NEK7: variants seen among roughly 807,000 people sequenced by gnomAD.
NEK7 encodes NIMA related kinase 7.
Under a neutral mutation model 44.6 loss-of-function variants are expected in NEK7, and 18 were observed. The ratio of observed to expected loss-of-function variants is 0.40; its 90% CI spans 0.28 to 0.60. NEK7 has a LOEUF of 0.60. Among genes scored for constraint, NEK7 ranks in the 20% least tolerant of loss-of-function variants. NEK7 has a pLI of 0.38. For missense variants in NEK7, 256 were observed against 366.5 expected, an observed-to-expected ratio of 0.70 and a Z score of 2.46; for synonymous variants, 130 against 121.1, an observed-to-expected ratio of 1.07 and a Z score of -0.48.
intron 2 of NEK7, among the ~76,000 whole-genome samples, chr1:198,241,324 C>A (rs942297115): frequency 6.6e-6 from 1 of 152,146 alleles, no homozygotes; most frequent in Admixed American, 6.5e-5. Context: ...TGATGTTTTT[C>A]TTGTCACATT....
At chr1:198,279,606 A>T (rs2102983644) in intron 7 of NEK7, among the ~76,000 whole-genome samples, 1 of 152,058 alleles carries the variant, frequency 6.6e-6, no homozygotes, top group Non-Finnish European at 1.5e-5. Context: ...TCAAATGGTG[A>T]CAATCAGAAT....
chr1:198,286,711 T>C (rs1654382097), intron 7 of NEK7, among the ~76,000 whole-genome samples: 1 of 152,216 alleles, frequency 6.6e-6, no homozygotes, highest in African/African-American at 2.4e-5. Context: ...TTGCAGGACT[T>C]CTGGAGGTTC....
chr1:198,250,655 G>T (rs1386118821), intron 2 of NEK7, among the ~76,000 whole-genome samples: 1 of 142,058 alleles, frequency 7.0e-6, no homozygotes, highest in African/African-American at 2.6e-5. Flanking sequence ...GTGAATGGGA[G>T]TTCACTCATG....
intron 3 of NEK7, among the ~76,000 whole-genome samples, chr1:198,258,466 G>A (rs1485269201): frequency 6.6e-6 from 1 of 151,884 alleles, no homozygotes; most frequent in Non-Finnish European, 1.5e-5. Context: ...ACAAAAACTT[G>A]CTTAGTATAT....
chr1:198,206,488 A>G (rs558143963), intron 1 of NEK7, among the ~76,000 whole-genome samples: 123 of 152,284 alleles, frequency 8.1e-4, no homozygotes, highest in Non-Finnish European at 1.5e-3. Context: ...AAAAAATATT[A>G]ATCCTGATTA....
chr1:198,239,214 T>G (rs889423982), intron 2 of NEK7, among the ~76,000 whole-genome samples: 5 of 152,224 alleles, frequency 3.3e-5, no homozygotes, highest in Non-Finnish European at 7.3e-5. Context: ...TCGCCTTATT[T>G]CTTCTGAATT....
At chr1:198,310,206 A>C (rs1207678833) in intron 9 of NEK7, among the ~76,000 whole-genome samples, 1 of 151,910 alleles carries the variant, frequency 6.6e-6, no homozygotes, top group Non-Finnish European at 1.5e-5. Flanking sequence ...GATGGTGAGC[A>C]TTTTTTCATG....
chr1:198,264,091 A>G, intron 4 of NEK7, 34 bp from the exon 5 acceptor site: 3 of 1,564,574 alleles, frequency 1.9e-6, no homozygotes, highest in Non-Finnish European at 2.6e-6. Flanking sequence ...ATTTACAGTA[A>G]GAAAACTTTC....
chr1:198,219,252 C>T (rs765433378), intron 1 of NEK7, among the ~76,000 whole-genome samples: 4 of 149,302 alleles, frequency 2.7e-5, no homozygotes, highest in Non-Finnish European at 4.5e-5. Context: ...GTATATTTTA[C>T]ATAAAAATGT....
intron 9 of NEK7, among the ~76,000 whole-genome samples, chr1:198,299,131 T>C (rs757178526): frequency 6.6e-6 from 1 of 152,232 alleles, no homozygotes; most frequent in Non-Finnish European, 1.5e-5. Flanking sequence ...ATGTGATTCC[T>C]CGTATTGGTA....
intron 7 of NEK7, among the ~76,000 whole-genome samples, chr1:198,291,007 A>T (rs2103004145): frequency 6.6e-6 from 1 of 152,240 alleles, no homozygotes; most frequent in South Asian, 2.1e-4. Flanking sequence ...GTCGTCCTTG[A>T]GTTCAGTTTG....
rs1571629752 is a variant in NEK7, at chr1:198,320,474, T to G, written c.*952T>G. On this transcript the variant is annotated 3_prime_UTR_variant, in exon 10 of 10. Coordinates refer to ENST00000367385, the MANE Select transcript of NEK7 (RefSeq NM_133494.3). ...GTTCTGATCGGTCCCCTTCAGAAATTTTTTTATATTATTCTTCAAGTTACT... is the reference window on the plus strand; with the variant it reads ...GTTCTGATCGGTCCCCTTCAGAAATGTTTTTATATTATTCTTCAAGTTACT... 6.6e-6 allele frequency: 1 copy of G among 152,260 alleles called. No homozygotes were observed. Among genetic ancestry groups the G allele is most frequent in the East Asian group, 1.9e-4 (1 of 5,190 alleles). The allele number at this position is 152,260 out of a possible 1,614,324, so 9.4% of individuals were successfully genotyped here.
chr1:198,195,274 T>G (rs1412055971), intron 1 of NEK7, among the ~76,000 whole-genome samples: 1 of 152,176 alleles, frequency 6.6e-6, no homozygotes, highest in African/African-American at 2.4e-5. Flanking sequence ...AGTTGTCACC[T>G]TCCCCTAGGG....
At chr1:198,207,017 T>G (rs1023055099) in intron 1 of NEK7, 4 of 152,178 alleles carry the variant, frequency 2.6e-5, no homozygotes, top group African/African-American at 9.6e-5. Context: ...TGTCTGCTTT[T>G]CCAAAGAATT....
intron 2 of NEK7, among the ~76,000 whole-genome samples, chr1:198,243,922 CAGTGAAG>C (rs778085209): frequency 0.13 from 19,494 of 150,908 alleles, 1,968 homozygotes; most frequent in African/African-American, 0.26. Flanking sequence ...TTTTGGTTTC[CAGTGAAG>C]TCTGTAGAAA....
intron 5 of NEK7, among the ~76,000 whole-genome samples, chr1:198,274,390 A>G (rs1353926433): frequency 1.3e-5 from 2 of 151,618 alleles, no homozygotes; most frequent in Admixed American, 1.3e-4. Context: ...GCAGTAACAG[A>G]GCTTTAAACC....
At chr1:198,253,922 A>T (rs1653164739) in intron 3 of NEK7, among the ~76,000 whole-genome samples, 1 of 152,170 alleles carries the variant, frequency 6.6e-6, no homozygotes, top group Non-Finnish European at 1.5e-5. Context: ...AGTGTGTATG[A>T]CATCAAACAG....
At chr1:198,223,622 G>A (rs60744614) in intron 1 of NEK7, among the ~76,000 whole-genome samples, 11,079 of 152,076 alleles carry the variant, frequency 0.073, 495 homozygotes, top group East Asian at 0.17. Context: ...TATTCAGACA[G>A]GCATTTCATA....
At chr1:198,186,064 ATTT>A (rs1664914750) in intron 1 of NEK7, among the ~76,000 whole-genome samples, 1 of 152,214 alleles carries the variant, frequency 6.6e-6, no homozygotes, top group African/African-American at 2.4e-5. Flanking sequence ...TAGCTGGAAG[ATTT>A]ATGTTAGCAG....
Sources: allele counts gnomAD v4.1 joint callset (sites outside exome capture counted in the v4.1 genomes callset), GRCh38; gene constraint gnomAD v4.1.1; transcripts MANE v1.5; gene names NCBI Gene and HGNC (gene_info 2026-07-23, HGNC 2026-07-21).